The following ATP8A2 variants were observed in gnomAD, a reference collection of about 807,000 sequenced individuals.
ATP8A2 encodes the protein ATPase phospholipid transporting 8A2.
Under a neutral mutation model 165.6 loss-of-function variants are expected in ATP8A2, and 100 were observed. That is an observed-to-expected ratio of 0.60 (90% CI 0.51 to 0.71). The LOEUF (loss-of-function observed/expected upper bound fraction) is 0.71, where lower values mean the gene tolerates loss of function less well. Among genes scored for constraint, ATP8A2 ranks in the 30% least tolerant of loss-of-function variants. ATP8A2 has a pLI of 0.00. For missense variants in ATP8A2, 1,227 were observed against 1,479.5 expected, an observed-to-expected ratio of 0.83 and a Z score of 2.80; for synonymous variants, 543 against 548.8, an observed-to-expected ratio of 0.99 and a Z score of 0.15.
intron 25 of ATP8A2, among the ~76,000 whole-genome samples, chr13:25,731,852 T>C (rs1430591880): frequency 1.3e-5 from 2 of 152,250 alleles, no homozygotes; most frequent in Non-Finnish European, 2.9e-5. Context: ...AGAGTCTTGC[T>C]AACATCCACA....
At position 25,881,728 on chromosome 13, in the gene ATP8A2, G is replaced by T. The variant is rs1379849245; in HGVS notation, c.3183+19320G>T. 3.3e-5 allele frequency among the ~76,000 whole-genome samples: 5 copies of T among 152,284 alleles called. No individual in the cohort carries two copies. In the South Asian group the frequency reaches 8.3e-4, roughly 25 times the overall value. Reference sequence around the variant, plus strand: ...ACATTGCTTGCTCTATTCACTGCAGGTGTTTCCCTCAGTAACCCCTGCTAC... The same window carrying T: ...ACATTGCTTGCTCTATTCACTGCAGTTGTTTCCCTCAGTAACCCCTGCTAC... On this transcript the variant is annotated intron_variant, in intron 33 of 36. Transcript: ENST00000381655.
At chr13:25,456,551 G>A (rs752897726) in intron 1 of ATP8A2, among the ~76,000 whole-genome samples, 6 of 152,180 alleles carry the variant, frequency 3.9e-5, no homozygotes, top group Admixed American at 6.5e-5. Flanking sequence ...AAGAGTGTGC[G>A]ACAAGGGAAG....
chr13:25,672,960 T>C (rs888537754), intron 24 of ATP8A2, among the ~76,000 whole-genome samples: 1 of 151,924 alleles, frequency 6.6e-6, no homozygotes, highest in Non-Finnish European at 1.5e-5. Context: ...AAGGGATTGG[T>C]GGAAAAGAGG....
intron 26 of ATP8A2, among the ~76,000 whole-genome samples, chr13:25,771,375 A>G (rs182894689): frequency 1.2e-4 from 18 of 152,346 alleles, no homozygotes; most frequent in African/African-American, 4.3e-4. Flanking sequence ...GTCAGCAACT[A>G]TAGATGTTAT....
intron 30 of ATP8A2, among the ~76,000 whole-genome samples, chr13:25,859,001 G>C (rs1052529877): frequency 7.2e-5 from 11 of 151,966 alleles, no homozygotes; most frequent in Middle Eastern, 3.2e-3. Flanking sequence ...TCAGGAGTTC[G>C]AGACCAGCCT....
intron 25 of ATP8A2, among the ~76,000 whole-genome samples, chr13:25,752,875 T>A (rs1336207570): frequency 6.6e-6 from 1 of 152,244 alleles, no homozygotes; most frequent in East Asian, 1.9e-4. Context: ...AAGGCTCCTC[T>A]GATTTTTCTT....
chr13:25,620,836 G>A (rs1242058931), intron 24 of ATP8A2, among the ~76,000 whole-genome samples: 1 of 152,200 alleles, frequency 6.6e-6, no homozygotes, highest in African/African-American at 2.4e-5. Context: ...TAATCAAGGG[G>A]GAAGTGGAGA....
At chr13:25,768,112 G>A (rs2044534832) in intron 25 of ATP8A2, among the ~76,000 whole-genome samples, 1 of 151,340 alleles carries the variant, frequency 6.6e-6, no homozygotes, top group Non-Finnish European at 1.5e-5. Context: ...TGCTGTTTAA[G>A]TGATCCAAAA....
At chr13:25,533,092 G>GTACA (rs1443033194) in intron 5 of ATP8A2, among the ~76,000 whole-genome samples, 181 bp from the exon 6 acceptor site, 2 of 152,144 alleles carry the variant, frequency 1.3e-5, no homozygotes, top group African/African-American at 2.4e-5. Context: ...TGTTACAGAG[G>GTACA]TACATACCAT....
At chr13:25,525,274 A>T (rs1245723285) in intron 2 of ATP8A2, among the ~76,000 whole-genome samples, 1 of 151,922 alleles carries the variant, frequency 6.6e-6, no homozygotes, top group Non-Finnish European at 1.5e-5. Flanking sequence ...AGGTTTCTGT[A>T]TGTGTTTTCG....
At chr13:25,896,100 C>G (rs1304906861) in intron 33 of ATP8A2, among the ~76,000 whole-genome samples, 1 of 152,088 alleles carries the variant, frequency 6.6e-6, no homozygotes, top group Non-Finnish European at 1.5e-5. Flanking sequence ...TTCCTTGCTT[C>G]TCTAGTTCTT....
chr13:25,578,633 C>A (rs963055715), intron 20 of ATP8A2, among the ~76,000 whole-genome samples, 182 bp from the exon 21 acceptor site: 3 of 152,138 alleles, frequency 2.0e-5, no homozygotes, highest in African/African-American at 7.2e-5. Context: ...TTTTGTTGGA[C>A]ACATTCATAC....
intron 1 of ATP8A2, among the ~76,000 whole-genome samples, chr13:25,445,090 T>C (rs1203959978): frequency 6.6e-6 from 1 of 152,244 alleles, no homozygotes; most frequent in Non-Finnish European, 1.5e-5. Flanking sequence ...ATTACAAATA[T>C]ATTTTTCCAG....
chr13:25,912,155 G>GACACACACACAC (rs3056187), intron 33 of ATP8A2, among the ~76,000 whole-genome samples: 1 of 141,242 alleles, frequency 7.1e-6, no homozygotes, highest in African/African-American at 2.7e-5. Context: ...GAAAATGTGA[G>GACACACACACAC]ACACACACAC....
At chr13:25,426,079 G>C (rs975091357) in intron 1 of ATP8A2, among the ~76,000 whole-genome samples, 11 of 152,306 alleles carry the variant, frequency 7.2e-5, no homozygotes, top group Admixed American at 7.2e-4. Flanking sequence ...CCAGGGGTTG[G>C]GGGAGGGAGA....
intron 2 of ATP8A2, among the ~76,000 whole-genome samples, chr13:25,469,921 A>G (rs191323277): frequency 6.6e-6 from 1 of 152,344 alleles, no homozygotes; most frequent in East Asian, 1.9e-4. Context: ...AGGCTTAAAC[A>G]ACTTTGTATC....
At chr13:25,962,766 C>T (rs914411058) in intron 34 of ATP8A2, among the ~76,000 whole-genome samples, 1 of 152,158 alleles carries the variant, frequency 6.6e-6, no homozygotes, top group Admixed American at 6.5e-5. Flanking sequence ...TCCGTTCCTC[C>T]CACACTCAGA....
chr13:25,424,129 CT>C (rs2138114815), intron 1 of ATP8A2, among the ~76,000 whole-genome samples: 1 of 152,262 alleles, frequency 6.6e-6, no homozygotes, highest in Non-Finnish European at 1.5e-5. Flanking sequence ...GATCGTGGAC[CT>C]TCTGTGACAT....
At chr13:25,753,829 A>G (rs1456405345) in intron 25 of ATP8A2, among the ~76,000 whole-genome samples, 1 of 152,240 alleles carries the variant, frequency 6.6e-6, no homozygotes, top group Non-Finnish European at 1.5e-5. Context: ...GAGTTAAGGA[A>G]AAGTCTGTTT....
Sources: gnomAD v4.1 joint callset for allele counts (sites outside exome capture counted in the v4.1 genomes callset) on GRCh38, gnomAD v4.1.1 for gene constraint, MANE v1.5 for transcripts, NCBI Gene and HGNC (gene_info 2026-07-23, HGNC 2026-07-21) for gene names.